The following LUZP1 variants were observed in gnomAD, a reference collection of about 807,000 sequenced individuals.
The protein encoded by LUZP1 is filamin mechanobinding actin cross-linking protein.
In LUZP1, 25 loss-of-function variants were observed where a neutral mutation model predicts 71.3. That is an observed-to-expected ratio of 0.35 (90% CI 0.26 to 0.49). The LOEUF is 0.49. LUZP1 is among the 20% of genes least tolerant of loss of function. The pLI, the probability that LUZP1 is intolerant of heterozygous loss-of-function variation, is 0.99. For synonymous variants in LUZP1, 481 were observed against 506.4 expected, an observed-to-expected ratio of 0.95 and a Z score of 0.67; for missense variants, 1,142 against 1,300.8, an observed-to-expected ratio of 0.88 and a Z score of 1.88.
chr1:23,152,002 C>CAAA (rs577798980), intron 2 of LUZP1, among the ~76,000 whole-genome samples: 1 of 63,638 alleles, frequency 1.6e-5, no homozygotes, highest in East Asian at 4.0e-4. Flanking sequence ...ACTCAGTCTC[C>CAAA]AAAAAAAAAA....
intron 2 of LUZP1, among the ~76,000 whole-genome samples, chr1:23,149,667 A>T (rs1249776862): frequency 6.6e-6 from 1 of 152,138 alleles, no homozygotes; most frequent in Admixed American, 6.6e-5. Context: ...ACAAAATGCC[A>T]TTTTAAAAAT....
At chr1:23,156,995 T>C (rs1644425068) in intron 2 of LUZP1, among the ~76,000 whole-genome samples, 1 of 152,184 alleles carries the variant, frequency 6.6e-6, no homozygotes, top group African/African-American at 2.4e-5. Context: ...TCAAAAGAAA[T>C]ATACCAAATA....
exon 5 of LUZP1, chr1:23,085,968 C>T (rs1643758741): frequency 6.6e-6 from 1 of 152,236 alleles, no homozygotes; most frequent in Non-Finnish European, 1.5e-5. Context: ...CTCCAACAAC[C>T]ATACACCTGC....
At chr1:23,099,871 A>C (rs909366554) in intron 3 of LUZP1, among the ~76,000 whole-genome samples, 2 of 152,122 alleles carry the variant, frequency 1.3e-5, no homozygotes, top group Admixed American at 6.5e-5. Flanking sequence ...CCATGATGGC[A>C]CCCAAAGCCC....
intron 2 of LUZP1, among the ~76,000 whole-genome samples, chr1:23,153,825 C>T (rs920416359): frequency 8.5e-5 from 13 of 152,154 alleles, no homozygotes; most frequent in Admixed American, 8.5e-4. Context: ...GTCATCTCAG[C>T]TACTCAGGAG....
exon 4 of LUZP1, chr1:23,092,598 G>A (rs34839810): frequency 6.2e-7 from 1 of 1,614,082 alleles, no homozygotes; most frequent in Non-Finnish European, 8.5e-7. Flanking sequence ...AGAGTTTGCA[G>A]CCTGAGTTAC....
intron 2 of LUZP1, among the ~76,000 whole-genome samples, chr1:23,158,364 G>A (rs1159436512): frequency 6.6e-6 from 1 of 152,108 alleles, no homozygotes; most frequent in Non-Finnish European, 1.5e-5. Flanking sequence ...GTAAAAGATG[G>A]GTTAGGCTAG....
chr1:23,092,947 C>A, exon 4 of LUZP1: 2 of 1,614,156 alleles, frequency 1.2e-6, no homozygotes, highest in Non-Finnish European at 1.7e-6. Context: ...TCTGTACTCA[C>A]CCCCATGTGA....
In LUZP1 at chr1:23,136,295, AACACACACACAC is replaced by A. The variant is rs10578041; in HGVS notation, c.-225-27180_-225-27169del. Among the ~76,000 whole-genome samples the A allele has an allele frequency of 7.0e-3, 915 of 130,238 alleles. 11 individuals carry two copies. Among genetic ancestry groups the A allele is most frequent in the Non-Finnish European group, 7.5e-3 (460 of 61,576 alleles). 85.4% of individuals were successfully genotyped at this position (130,238 alleles called of 152,430 possible). On this transcript the variant is annotated intron_variant, in intron 2 of 4. Coordinates refer to ENST00000302291, the Ensembl canonical transcript of LUZP1. ...GCTGAGGCGGGCAGATTCCGTCTTAAACACACACACACACACACACACACACACACACACACA... is the reference window on the plus strand; with the variant it reads ...GCTGAGGCGGGCAGATTCCGTCTTAAACACACACACACACACACACACACA...
At chr1:23,089,277 AG>A (rs1643817091) in intron 4 of LUZP1, among the ~76,000 whole-genome samples, 1 of 152,112 alleles carries the variant, frequency 6.6e-6, no homozygotes, top group Non-Finnish European at 1.5e-5. Context: ...GGGAACAATC[AG>A]GGTAGGCTAG....
At chr1:23,104,166 A>C (rs1643960361) in intron 3 of LUZP1, among the ~76,000 whole-genome samples, 2 of 150,940 alleles carry the variant, frequency 1.3e-5, no homozygotes, top group Admixed American at 6.6e-5. Context: ...CCGATGGTAA[A>C]CATCTTTTTT....
chr1:23,142,948 C>G (rs956630236), intron 2 of LUZP1, among the ~76,000 whole-genome samples: 1 of 151,940 alleles, frequency 6.6e-6, no homozygotes, highest in Non-Finnish European at 1.5e-5. Context: ...GCAGGAGGAT[C>G]GCTTGAGCTC....
chr1:23,176,475 T>A (rs1358145119), intron 1 of LUZP1, among the ~76,000 whole-genome samples: 1 of 152,178 alleles, frequency 6.6e-6, no homozygotes, highest in Non-Finnish European at 1.5e-5. Context: ...CTTTTAAGAA[T>A]CTAGTGAAAT....
intron 2 of LUZP1, among the ~76,000 whole-genome samples, chr1:23,141,985 C>T (rs1196897926): frequency 2.0e-5 from 3 of 152,080 alleles, no homozygotes; most frequent in African/African-American, 7.3e-5. Context: ...GCTGGGATTA[C>T]AGGCATGTGC....
In LUZP1 at chr1:23,091,888, CTTTG is replaced by C. The variant is rs1367513811; in HGVS notation, c.2370_2373del (p.Asn790LysfsTer2). On this transcript the variant is annotated frameshift_variant, in exon 4 of 5. Transcript: ENST00000302291. LOFTEE classifies it high-confidence loss of function. ...GGATATATAGTAATGCTACTTGTCA[CTTTG>C]TTTGGCCCTGGTTTGGAGACGGGTT... is the stretch of plus-strand genomic sequence containing the variant. 4 of 1,614,084 alleles carry C rather than the reference CTTTG, an allele frequency of 2.5e-6. No individual in the cohort carries two copies. The highest frequency in any genetic ancestry group is 1.3e-5 in the African/African-American group (1 of 74,936).
chr1:23,091,835 A>G, exon 4 of LUZP1: 2 of 1,614,116 alleles, frequency 1.2e-6, no homozygotes, highest in Non-Finnish European at 1.7e-6. Context: ...CCTCACCCGG[A>G]GCAGCTCTGG....
At position 23,157,190 on chromosome 1, in the gene LUZP1, G is replaced by C. The variant is rs140788675; in HGVS notation, c.-226+11576C>G. On this transcript the variant is annotated intron_variant, in intron 2 of 4. Coordinates refer to ENST00000302291, the Ensembl canonical transcript of LUZP1. Reference sequence around the variant, plus strand: ...CTAACAAAAGATACAAGAATTAGTAGATGTGGTAGTGCGTGCCTATAGTCC... The same window carrying C: ...CTAACAAAAGATACAAGAATTAGTACATGTGGTAGTGCGTGCCTATAGTCC... Among the ~76,000 whole-genome samples, 6 of 152,272 alleles carry C rather than the reference G, an allele frequency of 3.9e-5. No individual in the cohort carries two copies. In the East Asian group the frequency reaches 1.2e-3, roughly 29 times the overall value.
At chr1:23,138,697 G>GTATA (rs59486855) in intron 2 of LUZP1, among the ~76,000 whole-genome samples, 4 of 135,936 alleles carry the variant, frequency 2.9e-5, no homozygotes, top group East Asian at 2.1e-4. Context: ...GTGTGTGTGT[G>GTATA]TATATATATA....
chr1:23,141,559 C>A (rs1644303287), intron 2 of LUZP1, among the ~76,000 whole-genome samples: 1 of 152,200 alleles, frequency 6.6e-6, no homozygotes, highest in African/African-American at 2.4e-5. Context: ...TTGGCCTGGG[C>A]AGCAAGGTGG....
Sources: gnomAD v4.1 joint callset for allele counts (sites outside exome capture counted in the v4.1 genomes callset) on GRCh38, gnomAD v4.1.1 for gene constraint, MANE v1.5 for transcripts, NCBI Gene and HGNC (gene_info 2026-07-23, HGNC 2026-07-21) for gene names.